The following LGALS4 variants were observed in gnomAD, a reference collection of about 807,000 sequenced individuals.
LGALS4 encodes the protein galectin 4.
LGALS4 carries 37 observed loss-of-function variants against 39.6 expected under a neutral mutation model. That is an observed-to-expected ratio of 0.93 (90% CI 0.72 to 1.23). LGALS4 has a LOEUF of 1.23. Ranked by LOEUF, LGALS4 falls within the 50% of genes most tolerant of loss-of-function variation. The pLI, the probability that LGALS4 is intolerant of heterozygous loss-of-function variation, is 0.00. For missense variants in LGALS4, 397 were observed against 433.2 expected (o/e 0.92, Z 0.74); for synonymous variants, 160 against 165.5 (o/e 0.97, Z 0.25).
At chr19:38,804,908 G>C (rs984082701) in intron 4 of LGALS4, among the ~76,000 whole-genome samples, 5 of 151,828 alleles carry the variant, frequency 3.3e-5, no homozygotes, top group African/African-American at 1.2e-4. Flanking sequence ...GTAATCTCAG[G>C]ACTTTGGGAG....
Position 38,802,167 on chromosome 19 carries a change from G to A in LGALS4, c.660-10C>T. Reference sequence around the variant, plus strand: ...GAAGTTGATAGCAAAGCTGGGGACAGAGAGGGATGGGGGAGTCAGATGGAG... The same window carrying A: ...GAAGTTGATAGCAAAGCTGGGGACAAAGAGGGATGGGGGAGTCAGATGGAG... On this transcript the variant is annotated splice_polypyrimidine_tract_variant and intron_variant, in intron 8 of 9. Coordinates refer to ENST00000307751, the MANE Select transcript of LGALS4 (RefSeq NM_006149.4). 6.2e-7 allele frequency: 1 copy of A among 1,612,996 alleles called. No individual in the cohort carries two copies.
At chr19:38,807,989 C>T (rs891778558) in intron 3 of LGALS4, among the ~76,000 whole-genome samples, 33 of 152,214 alleles carry the variant, frequency 2.2e-4, no homozygotes, top group South Asian at 2.1e-4. Flanking sequence ...TGTGGAAGGC[C>T]GCAGGGCCCT....
chr19:38,804,894 G>A (rs1309809563), intron 4 of LGALS4, among the ~76,000 whole-genome samples: 1 of 151,870 alleles, frequency 6.6e-6, no homozygotes, highest in Admixed American at 6.6e-5. Context: ...TGTGGCTCAC[G>A]CCTGTAATCT....
At chr19:38,809,605 C>T (rs554312755) in intron 2 of LGALS4, among the ~76,000 whole-genome samples, 26 of 151,052 alleles carry the variant, frequency 1.7e-4, no homozygotes, top group African/African-American at 5.6e-4. Context: ...CTCAGCCTCC[C>T]TAGTAGCTGG....
At chr19:38,810,254 CAA>C (rs1971476613) in intron 2 of LGALS4, among the ~76,000 whole-genome samples, 1 of 151,136 alleles carries the variant, frequency 6.6e-6, no homozygotes, top group Non-Finnish European at 1.5e-5. Context: ...CTTCAGGATT[CAA>C]GTGATTCTCC....
intron 3 of LGALS4, among the ~76,000 whole-genome samples, chr19:38,808,270 G>C (rs1411796034): frequency 6.6e-6 from 1 of 151,808 alleles, no homozygotes; most frequent in Non-Finnish European, 1.5e-5. Context: ...AGGAGGGAAG[G>C]GGGAAGGAAG....
At position 38,806,574 on chromosome 19, in the gene LGALS4, A is replaced by G. The variant is rs1228738066; in HGVS notation, c.361T>C (p.Phe121Leu). 6.2e-7 allele frequency: 1 copy of G among 1,613,912 alleles called. No homozygotes were observed. Among genetic ancestry groups the G allele is most frequent in the African/African-American group, 1.3e-5 (1 of 75,000 alleles). Residue 121 changes from phenylalanine to leucine, a missense_variant, in exon 4 of 10, where the codon TTC becomes CTC. Coordinates refer to ENST00000307751, the MANE Select transcript of LGALS4 (RefSeq NM_006149.4). ...GGAAGCCGGTGCCCGTACTCATAGA[A>G]GGGATTTCCATTTACCACCACCTGG... ...HYKVVVNGNP[F>L]YEYGHRLPLQ...
chr19:38,804,056 G>A (rs1339781339), intron 4 of LGALS4, among the ~76,000 whole-genome samples, 161 bp from the exon 5 acceptor site: 1 of 152,148 alleles, frequency 6.6e-6, no homozygotes, highest in African/African-American at 2.4e-5. Flanking sequence ...CACGGAGAGG[G>A]GCACCCCATG....
intron 7 of LGALS4, 135 bp from the exon 8 acceptor site, chr19:38,802,539 G>C: frequency 1.5e-6 from 1 of 667,732 alleles, no homozygotes; most frequent in Non-Finnish European, 2.6e-6. Flanking sequence ...CTGTCACCCA[G>C]GCTGGAGTGC....
At chr19:38,808,179 G>C (rs536212041) in intron 3 of LGALS4, among the ~76,000 whole-genome samples, 34 of 149,360 alleles carry the variant, frequency 2.3e-4, no homozygotes, top group African/African-American at 8.1e-4. Flanking sequence ...AGAAGGAAAA[G>C]AAAAGAAAGA....
intron 3 of LGALS4, 66 bp downstream of exon 3, chr19:38,808,678 G>T: frequency 4.0e-6 from 5 of 1,255,154 alleles, no homozygotes; most frequent in Non-Finnish European, 5.7e-6. Flanking sequence ...AGGCGGGAAG[G>T]AAGGAAGCAG....
At chr19:38,804,428 C>A (rs537621859) in intron 4 of LGALS4, among the ~76,000 whole-genome samples, 1 of 152,214 alleles carries the variant, frequency 6.6e-6, no homozygotes, top group African/African-American at 2.4e-5. Context: ...TACAAGCATG[C>A]GCCACCACGC....
At chr19:38,806,971 G>C (rs1971429556) in intron 3 of LGALS4, among the ~76,000 whole-genome samples, 1 of 151,630 alleles carries the variant, frequency 6.6e-6, no homozygotes, top group Non-Finnish European at 1.5e-5. Flanking sequence ...GCAAGGATCA[G>C]GGATCTTTTT....
chr19:38,806,624 T>C, intron 3 of LGALS4, 29 bp from the exon 4 acceptor site: 1 of 1,610,584 alleles, frequency 6.2e-7, no homozygotes, highest in Non-Finnish European at 8.5e-7. Flanking sequence ...AGGTCAGGAG[T>C]CAGCACCCAT....
chr19:38,802,355 G>A lies in LGALS4; in HGVS notation c.620C>T (p.Thr207Ile), dbSNP rs772662808. Residue 207 changes from threonine (T) to isoleucine (I), a missense_variant, in exon 8 of 10, where the codon ACC becomes ATC. Transcript: ENST00000307751. ...RLQGGLTARRTIIIKGYVPPT... is the reference protein window; with the variant it reads ...RLQGGLTARRIIIIKGYVPPT... ...AGGCACATAGCCCTTGATGATGATG[G>A]TTCTTCGAGCTGTGAGCCCTCCTTG... 1.9e-6 allele frequency: 3 copies of A among 1,614,098 alleles called. No homozygotes were observed. The highest frequency in any genetic ancestry group is 2.5e-6 in the Non-Finnish European group (3 of 1,180,046).
At position 38,802,079 on chromosome 19, in the gene LGALS4, C is replaced by A; in HGVS notation, c.738G>T (p.Val246=). Reference sequence around the variant, plus strand: ...AGCCATTCAGAAGGCTGTTCCGGACCACGGTACCGTTGCCCATGCGGGGAT... The same window carrying A: ...AGCCATTCAGAAGGCTGTTCCGGACAACGGTACCGTTGCCCATGCGGGGAT... ...HINPRMGNGT[V]VRNSLLNGSW... The change falls in exon 9 of 10, where the codon GTG becomes GTT. Residue 246 remains valine (V), a synonymous_variant. Transcript: ENST00000307751. 1 of 1,614,170 alleles carries A rather than the reference C, an allele frequency of 6.2e-7. No individual in the cohort carries two copies. The highest frequency in any genetic ancestry group is 2.2e-5 in the East Asian group (1 of 44,880).
Position 38,806,739 on chromosome 19 carries a change from G to T in LGALS4, c.340-144C>A. On this transcript the variant is annotated intron_variant, in intron 3 of 9. Transcript: ENST00000307751. ...AGGGGGGTGGATCATTTGAGATCAG[G>T]AGTGTGAGACCAGTCTGGCCAACAT... 4 of 765,106 alleles carry T rather than the reference G, an allele frequency of 5.2e-6. No homozygotes were observed. In the South Asian group the frequency reaches 7.3e-5, roughly 14 times the overall value. 47.4% of individuals were successfully genotyped at this position (765,106 alleles called of 1,614,324 possible).
chr19:38,806,228 C>T (rs145417070), intron 4 of LGALS4, among the ~76,000 whole-genome samples: 2,383 of 150,342 alleles, frequency 0.016, 57 homozygotes, highest in African/African-American at 0.056. Context: ...ATTAGCCGGG[C>T]GTGGTGGCAG....
intron 2 of LGALS4, among the ~76,000 whole-genome samples, chr19:38,810,354 C>CTTTTTTTTTT (rs761533885): frequency 4.3e-5 from 4 of 92,876 alleles, no homozygotes; most frequent in Non-Finnish European, 8.0e-5. Flanking sequence ...GAGATTTCGC[C>CTTTTTTTTTT]TTTTTTTTTT....
Sources: gnomAD v4.1 joint callset for allele counts (sites outside exome capture counted in the v4.1 genomes callset) on GRCh38, gnomAD v4.1.1 for gene constraint, MANE v1.5 for transcripts, NCBI Gene and HGNC (gene_info 2026-07-23, HGNC 2026-07-21) for gene names.